The following ERICH3 variants were observed in gnomAD, a reference collection of about 807,000 sequenced individuals.
ERICH3 encodes glutamate-rich protein 3.
ERICH3 carries 126 observed loss-of-function variants against 131.1 expected under a neutral mutation model. The ratio of observed to expected loss-of-function variants is 0.96; its 90% CI spans 0.83 to 1.11. The LOEUF is 1.11. Among genes scored for constraint, ERICH3 ranks in the 50% most tolerant of loss-of-function variants. ERICH3 has a pLI of 0.00. For missense variants in ERICH3, 2,050 were observed against 1,810.7 expected, an observed-to-expected ratio of 1.13 and a Z score of -2.40; for synonymous variants, 695 against 644.6, an observed-to-expected ratio of 1.08 and a Z score of -1.18.
intron 11 of ERICH3, among the ~76,000 whole-genome samples, chr1:74,592,658 C>A (rs1022750810): frequency 6.6e-6 from 1 of 152,124 alleles, no homozygotes; most frequent in Non-Finnish European, 1.5e-5. Context: ...CTGAAATATA[C>A]TCTGGTTCAA....
chr1:74,572,960 T>A lies in ERICH3; in HGVS notation c.2750A>T (p.His917Leu). 1 of 1,614,140 alleles carries A rather than the reference T, an allele frequency of 6.2e-7. No homozygotes were observed. The highest frequency in any genetic ancestry group is 2.2e-5 in the East Asian group (1 of 44,878). The change falls in exon 14 of 15, where the codon CAT becomes CTT. Residue 917 changes from histidine to leucine, a missense_variant. Physicochemically the swap from His to Leu is moderately conservative, Grantham distance 99. Coordinates refer to ENST00000326665, the MANE Select transcript of ERICH3 (RefSeq NM_001002912.5). ...EAAALNLEHL[H>L]EVAALREAAT... ...TGCCTCTCTCAGGGCTGCTACTTCA[T>A]GAAGATGCTCCAAGTTCAGGGCTGC...
At chr1:74,659,292 T>A (rs1332980673) in intron 1 of ERICH3, among the ~76,000 whole-genome samples, 1 of 151,798 alleles carries the variant, frequency 6.6e-6, no homozygotes, top group Non-Finnish European at 1.5e-5. Context: ...AAGCACCTCC[T>A]GCTACTGTCT....
chr1:74,628,005 C>T (rs1411778000), intron 7 of ERICH3, among the ~76,000 whole-genome samples: 1 of 152,030 alleles, frequency 6.6e-6, no homozygotes, highest in Non-Finnish European at 1.5e-5. Flanking sequence ...TATAAAGATG[C>T]AATATTAAAT....
In ERICH3 at chr1:74,569,327, A is replaced by T. The variant is rs1202059692; in HGVS notation, c.*1131T>A. On this transcript the variant is annotated 3_prime_UTR_variant, in exon 15 of 15. Coordinates refer to ENST00000326665, the MANE Select transcript of ERICH3 (RefSeq NM_001002912.5). ...CTGGCTGGAAAATCACTGCTTAAGGAAATTTTTTTTACCTTCTCATATAGA... is the reference window on the plus strand; with the variant it reads ...CTGGCTGGAAAATCACTGCTTAAGGTAATTTTTTTTACCTTCTCATATAGA... The T allele has an allele frequency of 6.6e-6, 1 of 152,152 alleles. No individual in the cohort carries two copies. The highest frequency in any genetic ancestry group is 1.5e-5 in the Non-Finnish European group (1 of 68,036). 9.4% of individuals were successfully genotyped at this position (152,152 alleles called of 1,614,324 possible). A position where few individuals can be genotyped will look rare whatever the true frequency, so the allele number is the denominator to read the frequency against.
At chr1:74,612,858 A>G in intron 8 of ERICH3, 49 bp from the exon 9 acceptor site, 2 of 1,434,978 alleles carry the variant, frequency 1.4e-6, no homozygotes, top group Non-Finnish European at 1.9e-6. Context: ...ACTTCGGACT[A>G]ACATCTGTTA....
chr1:74,646,535 C>A, intron 3 of ERICH3, 132 bp downstream of exon 3: 1 of 551,470 alleles, frequency 1.8e-6, no homozygotes, highest in Non-Finnish European at 2.8e-6. Flanking sequence ...TTTCTAGGTA[C>A]AAAAGCATTA....
Position 74,641,467 on chromosome 1 carries a change from A to G in ERICH3, c.316-8T>C, listed in dbSNP as rs1430708907. On this transcript the variant is annotated splice_region_variant and splice_polypyrimidine_tract_variant and intron_variant, in intron 4 of 14. Transcript: ENST00000326665. ...CCTTCTTGTGTGCTCTCCCTAGAAT[A>G]AGAAAGCAATTTAGCAAATAGATGC... The G allele has an allele frequency of 6.2e-7, 1 of 1,609,036 alleles. No homozygotes were observed. Among genetic ancestry groups the G allele is most frequent in the African/African-American group, 1.3e-5 (1 of 74,518 alleles).
At position 74,570,402 on chromosome 1, in the gene ERICH3, C is replaced by T. The variant is rs1046211580; in HGVS notation, c.*56G>A. On this transcript the variant is annotated 3_prime_UTR_variant, in exon 15 of 15. Transcript: ENST00000326665. ...GTGAGATGCTTGCGTGAATCTTTCTCCACTCTTTACATCTTCAGAAGACAT... is the reference window on the plus strand; with the variant it reads ...GTGAGATGCTTGCGTGAATCTTTCTTCACTCTTTACATCTTCAGAAGACAT... The T allele has an allele frequency of 1.3e-5, 2 of 152,036 alleles. No individual in the cohort carries two copies. The highest frequency in any genetic ancestry group is 4.8e-5 in the African/African-American group (2 of 41,362). The allele number at this position is 152,036 out of a possible 1,614,324, so 9.4% of individuals were successfully genotyped here.
intron 7 of ERICH3, among the ~76,000 whole-genome samples, chr1:74,626,742 T>C (rs1380377559): frequency 1.3e-5 from 2 of 152,142 alleles, no homozygotes; most frequent in Non-Finnish European, 1.5e-5. Flanking sequence ...ATTCTGTAAA[T>C]GCAGTATAAA....
At chr1:74,613,514 G>A (rs1648803238) in intron 8 of ERICH3, among the ~76,000 whole-genome samples, 1 of 152,162 alleles carries the variant, frequency 6.6e-6, no homozygotes, top group Non-Finnish European at 1.5e-5. Context: ...AAAGGCTACT[G>A]TGAGCTCATT....
At chr1:74,611,673 C>G (rs946971535) in intron 9 of ERICH3, among the ~76,000 whole-genome samples, 1 of 152,180 alleles carries the variant, frequency 6.6e-6, no homozygotes, top group East Asian at 1.9e-4. Flanking sequence ...ACACAACAAA[C>G]ACGTGCCTGC....
intron 1 of ERICH3, among the ~76,000 whole-genome samples, chr1:74,662,540 A>G (rs1557704966): frequency 6.6e-6 from 1 of 152,186 alleles, no homozygotes. Context: ...ATGACTTAAA[A>G]TTGAAGGCAA....
chr1:74,666,661 T>C (rs1389901093), intron 1 of ERICH3, among the ~76,000 whole-genome samples: 1 of 152,214 alleles, frequency 6.6e-6, no homozygotes, highest in Non-Finnish European at 1.5e-5. Flanking sequence ...TTAGAGCTTC[T>C]GGCCAGTGAA....
chr1:74,669,617 T>A (rs1262499172), intron 1 of ERICH3, among the ~76,000 whole-genome samples: 2 of 152,202 alleles, frequency 1.3e-5, no homozygotes, highest in Non-Finnish European at 2.9e-5. Flanking sequence ...AAGATAGCAA[T>A]GCTGGAAATG....
Position 74,606,824 on chromosome 1 carries a change from C to T in ERICH3, c.1266G>A (p.Glu422=), listed in dbSNP as rs138387900. 143 of 1,613,074 alleles carry T rather than the reference C, an allele frequency of 8.9e-5. No individual in the cohort carries two copies. In the African/African-American group the frequency reaches 1.7e-3, roughly 20 times the overall value. The stretch of plus-strand genomic sequence containing the variant: ...CTTTCCCCTCAGCCTTCTTCAGTTC[C>T]TCTCCTTTCTCAGTGCTCTTTTCTT... The part of the protein sequence containing the change: ...SRKEKSTEKG[E]ELKKAEGKVR... Residue 422 remains glutamate (E), a synonymous_variant, in exon 10 of 15, where the codon GAG becomes GAA. Transcript: ENST00000326665.
At chr1:74,577,579 G>A (rs192992689) in intron 12 of ERICH3, 11 of 152,266 alleles carry the variant, frequency 7.2e-5, no homozygotes, top group Admixed American at 6.5e-4. Flanking sequence ...GTCAATTTAA[G>A]TGCATTTACA....
At chr1:74,605,609 T>C (rs1383164377) in intron 10 of ERICH3, among the ~76,000 whole-genome samples, 1 of 151,458 alleles carries the variant, frequency 6.6e-6, no homozygotes, top group Non-Finnish European at 1.5e-5. Context: ...CTGTTGTGGG[T>C]TAGGGAACAG....
chr1:74,648,096 C>G (rs983471431), intron 2 of ERICH3, among the ~76,000 whole-genome samples: 2 of 152,006 alleles, frequency 1.3e-5, no homozygotes, highest in Admixed American at 1.3e-4. Flanking sequence ...TCTGGGTGAC[C>G]CTGAACACTG....
At chr1:74,666,282 A>G (rs1399172356) in intron 1 of ERICH3, among the ~76,000 whole-genome samples, 1 of 152,220 alleles carries the variant, frequency 6.6e-6, no homozygotes, top group African/African-American at 2.4e-5. Context: ...GAGTAGACCC[A>G]TAAGAGAATA....
Sources: gnomAD v4.1 joint callset for allele counts (sites outside exome capture counted in the v4.1 genomes callset) on GRCh38, gnomAD v4.1.1 for gene constraint, MANE v1.5 for transcripts, NCBI Gene and HGNC (gene_info 2026-07-23, HGNC 2026-07-21) for gene names.